DNAAF9: variants seen among roughly 807,000 people sequenced by gnomAD.
DNAAF9 encodes dynein axonemal assembly factor 9.
DNAAF9 carries 90 observed loss-of-function variants against 167.0 expected under a neutral mutation model. The observed-to-expected ratio is 0.54, with a 90% CI of 0.45 to 0.64. DNAAF9 has a LOEUF of 0.64. DNAAF9 is among the 30% of genes least tolerant of loss of function. The probability of loss-of-function intolerance (pLI) is 0.00; values close to 1 mark genes in which losing one functional copy is unlikely to be tolerated. For missense variants in DNAAF9, 1,315 were observed against 1,442.2 expected (o/e 0.91, Z 1.43); for synonymous variants, 491 against 508.8 (o/e 0.96, Z 0.47).
At chr20:3,276,762 G>A (rs2068681708) in intron 29 of DNAAF9, among the ~76,000 whole-genome samples, 1 of 152,208 alleles carries the variant, frequency 6.6e-6, no homozygotes, top group Non-Finnish European at 1.5e-5. Flanking sequence ...GCTCTGAAAG[G>A]AAAAGAAGGC....
intron 10 of DNAAF9, among the ~76,000 whole-genome samples, chr20:3,337,101 G>A (rs929899225): frequency 9.3e-5 from 14 of 151,088 alleles, no homozygotes; most frequent in Admixed American, 1.3e-4. Context: ...GGATGGTCTC[G>A]ATTTCCTGAC....
At chr20:3,290,336 C>A in intron 25 of DNAAF9, 119 bp from the exon 26 acceptor site, 1 of 706,438 alleles carries the variant, frequency 1.4e-6, no homozygotes, top group Non-Finnish European at 2.6e-6. Context: ...TATGACCTCT[C>A]ACTAACTCTG....
At chr20:3,344,234 A>T (rs2070146996) in intron 8 of DNAAF9, among the ~76,000 whole-genome samples, 1 of 152,194 alleles carries the variant, frequency 6.6e-6, no homozygotes, top group Non-Finnish European at 1.5e-5. Context: ...TTTCCTGGGA[A>T]ATCAATGAAA....
intron 35 of DNAAF9, among the ~76,000 whole-genome samples, chr20:3,254,497 G>A (rs2068244933): frequency 6.6e-6 from 1 of 152,090 alleles, no homozygotes; most frequent in African/African-American, 2.4e-5. Context: ...CTTGTTCACG[G>A]TTGGCTTTCA....
chr20:3,306,179 G>C (rs1207234196), intron 20 of DNAAF9, among the ~76,000 whole-genome samples: 1 of 152,126 alleles, frequency 6.6e-6, no homozygotes, highest in South Asian at 2.1e-4. Context: ...GCTGCACCCA[G>C]AATGTCATGA....
chr20:3,403,970 A>T (rs2084022145), intron 1 of DNAAF9, among the ~76,000 whole-genome samples: 1 of 152,066 alleles, frequency 6.6e-6, no homozygotes. Flanking sequence ...CTGCACCAAA[A>T]CTGTTCTTGT....
chr20:3,374,485 A>C (rs1342806247), intron 5 of DNAAF9, among the ~76,000 whole-genome samples: 1 of 152,218 alleles, frequency 6.6e-6, no homozygotes, highest in Admixed American at 6.5e-5. Flanking sequence ...ATTAACAGAC[A>C]CAAAGTTGGC....
intron 4 of DNAAF9, 107 bp downstream of exon 4, chr20:3,376,071 A>T: frequency 2.0e-6 from 2 of 999,988 alleles, no homozygotes; most frequent in Non-Finnish European, 1.5e-6. Flanking sequence ...TCTTTTTTAT[A>T]TAGTCACACT....
intron 6 of DNAAF9, among the ~76,000 whole-genome samples, chr20:3,369,892 T>C (rs949813840): frequency 3.3e-5 from 5 of 152,184 alleles, no homozygotes; most frequent in African/African-American, 9.6e-5. Flanking sequence ...TACATTTTTC[T>C]GGGCATCCAA....
At chr20:3,269,628 G>A (rs981909638) in intron 30 of DNAAF9, among the ~76,000 whole-genome samples, 3 of 152,096 alleles carry the variant, frequency 2.0e-5, no homozygotes, top group African/African-American at 4.8e-5. Context: ...AATGGTACAC[G>A]ATGGGGTCTT....
chr20:3,267,097 C>T (rs897265971), intron 30 of DNAAF9, among the ~76,000 whole-genome samples: 2 of 151,090 alleles, frequency 1.3e-5, no homozygotes, highest in Non-Finnish European at 2.9e-5. Flanking sequence ...GGTGATCTGC[C>T]TGCCTCGGCC....
chr20:3,371,635 G>A (rs376164813), intron 6 of DNAAF9, among the ~76,000 whole-genome samples: 326 of 152,150 alleles, frequency 2.1e-3, no homozygotes, highest in African/African-American at 6.8e-3. Context: ...GAGCCACCGC[G>A]CCCGGCAGAA....
At chr20:3,293,297 A>C (rs1464475216) in intron 25 of DNAAF9, among the ~76,000 whole-genome samples, 2 of 145,798 alleles carry the variant, frequency 1.4e-5, no homozygotes, top group Non-Finnish European at 3.0e-5. Context: ...CGTCTCAAAA[A>C]AAAAAAAAAA....
intron 3 of DNAAF9, among the ~76,000 whole-genome samples, chr20:3,377,916 A>G (rs1375232145): frequency 6.6e-6 from 1 of 152,172 alleles, no homozygotes; most frequent in Non-Finnish European, 1.5e-5. Flanking sequence ...GGTCCATTCA[A>G]TTGGTTGGAG....
At chr20:3,337,355 C>T (rs149506093) in intron 10 of DNAAF9, among the ~76,000 whole-genome samples, 1,610 of 151,178 alleles carry the variant, frequency 0.011, 31 homozygotes, top group African/African-American at 0.037. Context: ...CCTCCGCCTT[C>T]CAAGTTCAAG....
Position 3,324,920 on chromosome 20 carries a change from C to T in DNAAF9, c.1237G>A (p.Glu413Lys). Residue 413 changes from glutamate (E) to lysine (K), a missense_variant, in exon 14 of 37, where the codon GAG becomes AAG. Physicochemically the swap from Glu to Lys is moderately conservative, Grantham distance 56 (BLOSUM62 1). Coordinates refer to ENST00000252032, the MANE Select transcript of DNAAF9 (RefSeq NM_001009984.3). ...QTLGSGLDSFELIPFKAALRS... is the reference protein window; with the variant it reads ...QTLGSGLDSFKLIPFKAALRS... ...AGGGCTGCCTTAAACGGAATCAACT[C>T]AAAGGAATCTAACCCAGATCCCAGA... 6.2e-7 allele frequency: 1 copy of T among 1,607,940 alleles called. No individual in the cohort carries two copies.
intron 23 of DNAAF9, chr20:3,296,320 G>T: frequency 2.7e-6 from 1 of 364,482 alleles, no homozygotes; most frequent in South Asian, 2.1e-5. Flanking sequence ...GCTTGGCCCG[G>T]GTCAGGGCTG....
At chr20:3,352,950 C>T (rs2070354082) in intron 7 of DNAAF9, among the ~76,000 whole-genome samples, 1 of 148,010 alleles carries the variant, frequency 6.8e-6, no homozygotes, top group African/African-American at 2.5e-5. Context: ...GTATATTATC[C>T]TTTTAAATCT....
In DNAAF9 at chr20:3,266,773, G is replaced by A. The variant is rs923231093; in HGVS notation, c.2787-2249C>T. 2.0e-5 allele frequency among the ~76,000 whole-genome samples: 3 copies of A among 152,054 alleles called. No individual in the cohort carries two copies. The South Asian group carries it at 6.2e-4, about 32-fold the overall frequency. On this transcript the variant is annotated intron_variant, in intron 30 of 36. Coordinates refer to ENST00000252032, the MANE Select transcript of DNAAF9 (RefSeq NM_001009984.3). The stretch of plus-strand genomic sequence containing the variant: ...ATTACTGGCCTGAGCCACCATGCTC[G>A]GCTGATTATTTTCTAGTTCTATCAA...
Sources: allele counts gnomAD v4.1 joint callset (sites outside exome capture counted in the v4.1 genomes callset), GRCh38; gene constraint gnomAD v4.1.1; transcripts MANE v1.5; gene names NCBI Gene and HGNC (gene_info 2026-07-23, HGNC 2026-07-21).